The following PPM1L variants were observed in gnomAD, a reference collection of about 807,000 sequenced individuals.
PPM1L encodes protein phosphatase, Mg2+/Mn2+ dependent 1L.
Under a neutral mutation model 31.4 loss-of-function variants are expected in PPM1L, and 13 were observed. That is an observed-to-expected ratio of 0.41 (90% CI 0.27 to 0.66). PPM1L has a LOEUF of 0.66. PPM1L is among the 30% of genes least tolerant of loss of function. The pLI, the probability that PPM1L is intolerant of heterozygous loss-of-function variation, is 0.29. For synonymous variants in PPM1L, 184 were observed against 175.4 expected, an observed-to-expected ratio of 1.05 and a Z score of -0.39; for missense variants, 326 against 453.7, an observed-to-expected ratio of 0.72 and a Z score of 2.56.
chr3:160,813,314 A>C (rs994966072), intron 1 of PPM1L, among the ~76,000 whole-genome samples: 1 of 152,102 alleles, frequency 6.6e-6, no homozygotes, highest in African/African-American at 2.4e-5. Context: ...TACATTTTCA[A>C]GTTTAAAAAA....
At chr3:160,964,769 T>G (rs1716079248) in intron 2 of PPM1L, among the ~76,000 whole-genome samples, 2 of 151,988 alleles carry the variant, frequency 1.3e-5, no homozygotes, top group Non-Finnish European at 2.9e-5. Context: ...GGACAGTGGA[T>G]GTGGGAGGGT....
intron 2 of PPM1L, among the ~76,000 whole-genome samples, chr3:160,963,272 C>G (rs532852846): frequency 3.9e-5 from 6 of 152,138 alleles, no homozygotes; most frequent in African/African-American, 1.2e-4. Context: ...ACGCCAACTT[C>G]CTAATTACTA....
At position 161,054,376 on chromosome 3, in the gene PPM1L, G is replaced by A. The variant is rs1719357796; in HGVS notation, c.575-11027G>A. ...TCATTGACTGACCTTGTACTATGAT[G>A]TCTTTCTTCCTGGGGTCAGTGGGTA... On this transcript the variant is annotated intron_variant, in intron 2 of 3. Coordinates refer to ENST00000498165, the MANE Select transcript of PPM1L (RefSeq NM_139245.4). Among the ~76,000 whole-genome samples, 4 of 151,362 alleles carry A rather than the reference G, an allele frequency of 2.6e-5. No homozygotes were observed. In the South Asian group the frequency reaches 8.3e-4, roughly 32 times the overall value.
chr3:160,807,260 C>T (rs533874121), intron 1 of PPM1L, among the ~76,000 whole-genome samples: 1 of 152,284 alleles, frequency 6.6e-6, no homozygotes, highest in South Asian at 2.1e-4. Context: ...CAAGTAGGCA[C>T]CCACCTTCAA....
At chr3:160,950,149 A>C (rs1308818748) in intron 1 of PPM1L, among the ~76,000 whole-genome samples, 1 of 151,158 alleles carries the variant, frequency 6.6e-6, no homozygotes. Flanking sequence ...CATACTTTAC[A>C]CTCCATTCCC....
intron 1 of PPM1L, among the ~76,000 whole-genome samples, chr3:160,893,454 C>G (rs1191772205): frequency 6.6e-6 from 1 of 152,118 alleles, no homozygotes; most frequent in Non-Finnish European, 1.5e-5. Flanking sequence ...ATAGCATTTC[C>G]TATTCAGTCT....
intron 1 of PPM1L, among the ~76,000 whole-genome samples, chr3:160,910,676 C>T (rs1713941967): frequency 6.6e-6 from 1 of 152,030 alleles, no homozygotes; most frequent in African/African-American, 2.4e-5. Context: ...CATTTTAAAC[C>T]CAGTTATTTC....
intron 1 of PPM1L, among the ~76,000 whole-genome samples, chr3:160,904,057 T>C (rs1713659486): frequency 6.6e-6 from 1 of 152,110 alleles, no homozygotes; most frequent in African/African-American, 2.4e-5. Flanking sequence ...GAATAAGCAT[T>C]GGTTGATGTC....
At position 161,065,973 on chromosome 3, in the gene PPM1L, T is replaced by TA. The variant is rs570494924; in HGVS notation, c.736+411dup. On this transcript the variant is annotated intron_variant, in intron 3 of 3. Coordinates refer to ENST00000498165, the MANE Select transcript of PPM1L (RefSeq NM_139245.4). ...ATTACTTGTCCCATAAAACTCAGTT[T>TA]AAGGTGTTCTTTTGGAAGCTTTCCA... Among the ~76,000 whole-genome samples, 469 of 152,376 alleles carry TA rather than the reference T, an allele frequency of 3.1e-3. 1 individual carries two copies. Among genetic ancestry groups the TA allele is most frequent in the Non-Finnish European group, 4.9e-3 (336 of 68,044 alleles).
intron 1 of PPM1L, among the ~76,000 whole-genome samples, chr3:160,948,141 C>T (rs1005759188): frequency 6.6e-6 from 1 of 152,050 alleles, no homozygotes; most frequent in Non-Finnish European, 1.5e-5. Context: ...TGTGACTGCC[C>T]GTCCAGCTAT....
Position 161,073,522 on chromosome 3 carries a change from T to A in PPM1L, c.*4365T>A, listed in dbSNP as rs1719999924. ...CTTAATATGACCAACAGCAGCCTCA[T>A]ATTGATAGCAGAACAATCCTACTTA... On this transcript the variant is annotated 3_prime_UTR_variant, in exon 4 of 4. Coordinates refer to ENST00000498165, the MANE Select transcript of PPM1L (RefSeq NM_139245.4). The A allele has an allele frequency of 6.6e-6, 1 of 152,086 alleles. No individual in the cohort carries two copies. Among genetic ancestry groups the A allele is most frequent in the Admixed American group, 6.6e-5 (1 of 15,246 alleles). The allele number at this position is 152,086 out of a possible 1,614,324, so 9.4% of individuals were successfully genotyped here. A position where few individuals can be genotyped will look rare whatever the true frequency, so the allele number is the denominator to read the frequency against.
chr3:160,855,491 A>G (rs1711660617), intron 1 of PPM1L, among the ~76,000 whole-genome samples: 2 of 152,214 alleles, frequency 1.3e-5, no homozygotes, highest in Admixed American at 1.3e-4. Context: ...AAAGGCTAAT[A>G]TCCGTAATCT....
intron 2 of PPM1L, among the ~76,000 whole-genome samples, chr3:161,059,564 T>C (rs1224196794): frequency 6.6e-6 from 1 of 152,148 alleles, no homozygotes; most frequent in Non-Finnish European, 1.5e-5. Context: ...ATCTATTAAT[T>C]TGCTTATTTA....
intron 1 of PPM1L, among the ~76,000 whole-genome samples, chr3:160,945,454 C>CA (rs1367773288): frequency 6.6e-6 from 1 of 152,048 alleles, no homozygotes; most frequent in African/African-American, 2.4e-5. Flanking sequence ...TGATTGGTGG[C>CA]TGCCTTGGAA....
chr3:160,920,742 T>A (rs112303619), intron 1 of PPM1L, among the ~76,000 whole-genome samples: 35 of 152,176 alleles, frequency 2.3e-4, no homozygotes, highest in African/African-American at 7.2e-4. Context: ...GGAAGCTTTA[T>A]TTCAAAATGC....
At chr3:160,969,689 A>G (rs1474044962) in intron 2 of PPM1L, among the ~76,000 whole-genome samples, 3 of 152,228 alleles carry the variant, frequency 2.0e-5, no homozygotes, top group Non-Finnish European at 4.4e-5. Context: ...AGCTCAAAAG[A>G]TACCCTCTCC....
intron 2 of PPM1L, among the ~76,000 whole-genome samples, chr3:161,063,410 T>G (rs1719630916): frequency 6.6e-6 from 1 of 152,222 alleles, no homozygotes; most frequent in Non-Finnish European, 1.5e-5. Flanking sequence ...GATCAAGGCA[T>G]TTTTAGTTAA....
chr3:160,984,505 C>T (rs994649249), intron 2 of PPM1L, among the ~76,000 whole-genome samples: 16 of 152,006 alleles, frequency 1.1e-4, no homozygotes, highest in African/African-American at 2.9e-4. Context: ...GGTCCTGAGG[C>T]GACATACATC....
At chr3:160,901,657 C>A (rs775359220) in intron 1 of PPM1L, among the ~76,000 whole-genome samples, 1 of 152,180 alleles carries the variant, frequency 6.6e-6, no homozygotes, top group African/African-American at 2.4e-5. Context: ...TTATCTCAAG[C>A]GCTTGAATAT....
Sources: allele counts gnomAD v4.1 joint callset (sites outside exome capture counted in the v4.1 genomes callset), GRCh38; gene constraint gnomAD v4.1.1; transcripts MANE v1.5; gene names NCBI Gene and HGNC (gene_info 2026-07-23, HGNC 2026-07-21).